SLC4A10: variants seen among roughly 807,000 people sequenced by gnomAD.
SLC4A10 encodes solute carrier family 4 member 10, also known as sodium-driven chloride bicarbonate exchanger.
SLC4A10 carries 42 observed loss-of-function variants against 137.7 expected under a neutral mutation model. The ratio of observed to expected loss-of-function variants is 0.30; its 90% CI spans 0.24 to 0.39. The LOEUF (loss-of-function observed/expected upper bound fraction) is 0.39, where lower values mean the gene tolerates loss of function less well. Among genes scored for constraint, SLC4A10 ranks in the 10% least tolerant of loss-of-function variants. SLC4A10 has a pLI of 1.00. For synonymous variants in SLC4A10, 474 were observed against 464.1 expected, an observed-to-expected ratio of 1.02 and a Z score of -0.27; for missense variants, 925 against 1,355.0, an observed-to-expected ratio of 0.68 and a Z score of 4.98.
intron 6 of SLC4A10, among the ~76,000 whole-genome samples, chr2:161,866,460 G>C (rs1410216353): frequency 6.6e-6 from 1 of 151,838 alleles, no homozygotes; most frequent in East Asian, 1.9e-4. Context: ...GGATGCTATG[G>C]ATTCACCATG....
At chr2:161,793,243 CTAAA>C (rs2054398565) in intron 2 of SLC4A10, among the ~76,000 whole-genome samples, 1 of 152,030 alleles carries the variant, frequency 6.6e-6, no homozygotes, top group Admixed American at 6.6e-5. Context: ...TGTAGAATAA[CTAAA>C]TATAGCTAAT....
intron 17 of SLC4A10, among the ~76,000 whole-genome samples, 178 bp downstream of exon 17, chr2:161,947,905 T>C (rs901542843): frequency 3.9e-5 from 6 of 152,136 alleles, no homozygotes; most frequent in African/African-American, 1.4e-4. Flanking sequence ...GGAGTGCATA[T>C]GCAGGCTTTT....
chr2:161,670,333 G>T (rs2039552223), intron 1 of SLC4A10, among the ~76,000 whole-genome samples: 1 of 145,430 alleles, frequency 6.9e-6, no homozygotes. Context: ...GTTTTATTGA[G>T]CATTTACTAT....
chr2:161,958,380 G>C, intron 20 of SLC4A10, 107 bp from the exon 21 acceptor site: 1 of 815,372 alleles, frequency 1.2e-6, no homozygotes, highest in Non-Finnish European at 2.0e-6. Flanking sequence ...GTACTATACT[G>C]TTTCTATTCA....
chr2:161,724,851 G>A (rs1252448122), intron 1 of SLC4A10, among the ~76,000 whole-genome samples: 2 of 152,016 alleles, frequency 1.3e-5, no homozygotes, highest in Admixed American at 6.5e-5. Context: ...ATTCTTAGTT[G>A]TTTTCTTCTA....
intron 8 of SLC4A10, among the ~76,000 whole-genome samples, chr2:161,874,552 C>G (rs1284433012): frequency 6.6e-6 from 1 of 152,174 alleles, no homozygotes; most frequent in Non-Finnish European, 1.5e-5. Flanking sequence ...AAGAGTCAAA[C>G]TTCGATTTCC....
At chr2:161,958,647 C>T in intron 21 of SLC4A10, 92 bp downstream of exon 21, 1 of 827,602 alleles carries the variant, frequency 1.2e-6, no homozygotes, top group Non-Finnish European at 1.9e-6. Context: ...ATGCCACCAC[C>T]TGAGGAACAG....
chr2:161,687,715 G>A (rs1424299786), intron 1 of SLC4A10, among the ~76,000 whole-genome samples: 2 of 152,142 alleles, frequency 1.3e-5, no homozygotes, highest in African/African-American at 2.4e-5. Flanking sequence ...GTCGATGTAA[G>A]TGAATCAGGG....
At chr2:161,695,101 CA>C (rs2042359572) in intron 1 of SLC4A10, among the ~76,000 whole-genome samples, 1 of 151,824 alleles carries the variant, frequency 6.6e-6, no homozygotes, top group Admixed American at 6.6e-5. Context: ...TGGAGTTCAA[CA>C]AAATATAGAC....
chr2:161,666,851 A>G (rs1039795827), intron 1 of SLC4A10, among the ~76,000 whole-genome samples: 1 of 34,396 alleles, frequency 2.9e-5, no homozygotes, highest in Non-Finnish European at 1.1e-4. Context: ...GATTTTTAAA[A>G]TGCCATGAAC....
At chr2:161,747,397 T>C (rs188032931) in intron 1 of SLC4A10, among the ~76,000 whole-genome samples, 1 of 152,198 alleles carries the variant, frequency 6.6e-6, no homozygotes, top group East Asian at 1.9e-4. Context: ...GCATATAGTT[T>C]CTCTGCATCA....
intron 22 of SLC4A10, 49 bp from the exon 23 acceptor site, chr2:161,965,002 C>T (rs771497903): frequency 6.4e-7 from 1 of 1,568,338 alleles, no homozygotes; most frequent in Non-Finnish European, 8.7e-7. Context: ...ATCTACACCT[C>T]TCGTTTTAAT....
At chr2:161,792,469 T>TTTAG (rs36009692) in intron 2 of SLC4A10, among the ~76,000 whole-genome samples, 23,869 of 152,040 alleles carry the variant, frequency 0.16, 1,902 homozygotes, top group African/African-American at 0.19. Context: ...TATGTTCTTA[T>TTTAG]TTAAAGACTT....
intron 1 of SLC4A10, among the ~76,000 whole-genome samples, chr2:161,645,081 T>A (rs3843853): frequency 0.78 from 118,928 of 151,988 alleles, 46,964 homozygotes; most frequent in East Asian, 0.85. Flanking sequence ...AGACTATTTT[T>A]ATTCTCAAAA....
intron 6 of SLC4A10, among the ~76,000 whole-genome samples, chr2:161,870,056 A>G (rs2061015373): frequency 6.6e-6 from 1 of 151,362 alleles, no homozygotes; most frequent in Admixed American, 6.6e-5. Context: ...CTTCTTCATT[A>G]TCAACCTTAT....
chr2:161,694,312 G>A (rs902756944), intron 1 of SLC4A10, among the ~76,000 whole-genome samples: 24 of 152,000 alleles, frequency 1.6e-4, no homozygotes, highest in African/African-American at 5.8e-4. Flanking sequence ...CAGCTCACAT[G>A]TTTGTGCTAC....
intron 3 of SLC4A10, among the ~76,000 whole-genome samples, chr2:161,805,764 A>G (rs890359074): frequency 2.0e-5 from 3 of 152,198 alleles, no homozygotes; most frequent in African/African-American, 7.2e-5. Context: ...GGCTGCTTTC[A>G]TGGGCTGGCG....
Position 161,714,614 on chromosome 2 carries a change from T to C in SLC4A10, c.49-56359T>C, listed in dbSNP as rs550290686. ...TACTCATCTTTTTCCCCAAATTCAATTTAATCTCATAAGAATTTATTGAGG... is the reference window on the plus strand; with the variant it reads ...TACTCATCTTTTTCCCCAAATTCAACTTAATCTCATAAGAATTTATTGAGG... On this transcript the variant is annotated intron_variant, in intron 1 of 26. Coordinates refer to ENST00000446997, the MANE Select transcript of SLC4A10 (RefSeq NM_001178015.2). 1.6e-4 allele frequency among the ~76,000 whole-genome samples: 25 copies of C among 152,026 alleles called. No homozygotes were observed. The East Asian group carries it at 4.3e-3, about 26-fold the overall frequency.
intron 3 of SLC4A10, among the ~76,000 whole-genome samples, chr2:161,828,808 A>ATATATATATATGTG (rs1221709021): frequency 8.2e-6 from 1 of 122,530 alleles, no homozygotes; most frequent in Non-Finnish European, 1.7e-5. Context: ...ATATATATAT[A>ATATATATATATGTG]TGTATAATCT....
Sources: gnomAD v4.1 joint callset for allele counts (sites outside exome capture counted in the v4.1 genomes callset) on GRCh38, gnomAD v4.1.1 for gene constraint, MANE v1.5 for transcripts, NCBI Gene and HGNC (gene_info 2026-07-23, HGNC 2026-07-21) for gene names.